TTC39B: variants seen among roughly 807,000 people sequenced by gnomAD.
The protein encoded by TTC39B is tetratricopeptide repeat domain 39B, also known as tetratricopeptide repeat protein 39B.
In TTC39B, 92 loss-of-function variants were observed where a neutral mutation model predicts 96.6. The observed-to-expected ratio is 0.95, with a 90% CI of 0.80 to 1.13. The LOEUF (loss-of-function observed/expected upper bound fraction) is 1.13. Among genes scored for constraint, TTC39B ranks in the 50% most tolerant of loss-of-function variants. The pLI is 0.00. For synonymous variants in TTC39B, 367 were observed against 299.4 expected (o/e 1.23, Z -2.33); for missense variants, 955 against 809.3 (o/e 1.18, Z -2.18).
chr9:15,257,505 G>A (rs1313829235), intron 2 of TTC39B, among the ~76,000 whole-genome samples: 2 of 152,014 alleles, frequency 1.3e-5, no homozygotes, highest in African/African-American at 4.8e-5. Flanking sequence ...CTGGAGTGCA[G>A]TGGCACCATC....
intron 2 of TTC39B, among the ~76,000 whole-genome samples, chr9:15,235,053 C>CA (rs879895256): frequency 0.064 from 7,388 of 115,924 alleles, 244 homozygotes; most frequent in South Asian, 0.084. Flanking sequence ...AAAACAAAAA[C>CA]AAAACAAAAC....
chr9:15,245,335 C>A (rs1004169998), intron 2 of TTC39B, among the ~76,000 whole-genome samples: 5 of 152,080 alleles, frequency 3.3e-5, no homozygotes, highest in Admixed American at 2.0e-4. Context: ...GAAAAACAAA[C>A]AAAACTGAAG....
chr9:15,206,557 G>C (rs1819867782), intron 6 of TTC39B, among the ~76,000 whole-genome samples: 1 of 152,186 alleles, frequency 6.6e-6, no homozygotes, highest in African/African-American at 2.4e-5. Context: ...AGGCACTTAT[G>C]AGTAGGTAAC....
intron 2 of TTC39B, among the ~76,000 whole-genome samples, chr9:15,243,976 A>G (rs537821032): frequency 2.3e-4 from 35 of 152,362 alleles, no homozygotes; most frequent in Admixed American, 7.8e-4. Flanking sequence ...CAGCAAAAGA[A>G]ACTACTCCAA....
intron 7 of TTC39B, 25 bp downstream of exon 7, chr9:15,203,798 G>A (rs554037622): frequency 3.0e-5 from 48 of 1,598,034 alleles, no homozygotes; most frequent in Middle Eastern, 3.3e-4. Context: ...CAGCCAATAC[G>A]AATTCCAAGC....
intron 2 of TTC39B, among the ~76,000 whole-genome samples, chr9:15,267,147 A>G (rs1823166210): frequency 6.6e-6 from 1 of 152,204 alleles, no homozygotes; most frequent in Non-Finnish European, 1.5e-5. Context: ...ACAAGGAGGC[A>G]GTCTGCAAGC....
At chr9:15,192,613 G>A in exon 9 of TTC39B, 1 of 1,614,014 alleles carries the variant, frequency 6.2e-7, no homozygotes, top group Non-Finnish European at 8.5e-7. Flanking sequence ...CCACTGCCAA[G>A]CTTGACACCC....
chr9:15,251,694 CAT>C (rs59081141), intron 2 of TTC39B, among the ~76,000 whole-genome samples: 248 of 61,758 alleles, frequency 4.0e-3, no homozygotes, highest in Middle Eastern at 0.031. Flanking sequence ...CACACACATA[CAT>C]ATACATATAT....
intron 3 of TTC39B, among the ~76,000 whole-genome samples, chr9:15,215,990 C>T (rs970158771): frequency 6.6e-6 from 1 of 152,200 alleles, no homozygotes; most frequent in Non-Finnish European, 1.5e-5. Context: ...CAAAGTGCCC[C>T]TTCAGTGACT....
Position 15,193,630 on chromosome 9 carries a change from T to C in TTC39B, c.825-935A>G, listed in dbSNP as rs372387403. Among the ~76,000 whole-genome samples, 13 of 152,340 alleles carry C rather than the reference T, an allele frequency of 8.5e-5. No homozygotes were observed. In the South Asian group the frequency reaches 2.7e-3, roughly 32 times the overall value. On this transcript the variant is annotated intron_variant, in intron 8 of 19. Transcript: ENST00000512701. Reference sequence around the variant, plus strand: ...TTTCCCCTGGGTCATTTATTTTTTATTATGGTGCATTTTGCCAAGATAAAA... The same window carrying C: ...TTTCCCCTGGGTCATTTATTTTTTACTATGGTGCATTTTGCCAAGATAAAA...
chr9:15,173,078 C>G (rs1564305595), intron 19 of TTC39B, among the ~76,000 whole-genome samples: 1 of 152,112 alleles, frequency 6.6e-6, no homozygotes, highest in South Asian at 2.1e-4. Flanking sequence ...TTAGTGGAGG[C>G]TTTTCATTGC....
chr9:15,242,513 G>A (rs1168341178), intron 2 of TTC39B, among the ~76,000 whole-genome samples: 1 of 152,110 alleles, frequency 6.6e-6, no homozygotes, highest in Non-Finnish European at 1.5e-5. Flanking sequence ...AAACAGGACG[G>A]TTGAGGCTGC....
intron 2 of TTC39B, among the ~76,000 whole-genome samples, chr9:15,238,636 C>T (rs557520567): frequency 3.3e-5 from 5 of 152,214 alleles, no homozygotes; most frequent in South Asian, 2.1e-4. Context: ...ACAGATCATA[C>T]AAACAAATGG....
exon 20 of TTC39B, chr9:15,166,123 T>C (rs1817513207): frequency 1.3e-5 from 2 of 152,192 alleles, no homozygotes; most frequent in Non-Finnish European, 2.9e-5. Flanking sequence ...TAAATTAGTG[T>C]TTCTAAAAAC....
rs575718035 is a variant in TTC39B at position 15,303,222 on chromosome 9, T to C, written c.240+3862A>G. Among the ~76,000 whole-genome samples, 101 of 152,334 alleles carry C rather than the reference T, an allele frequency of 6.6e-4. No homozygotes were observed. In the Middle Eastern group the frequency reaches 0.01, roughly 15 times the overall value. On this transcript the variant is annotated intron_variant, in intron 1 of 19. Transcript: ENST00000512701. ...ATAACTGTATTTGCTGAGTGACTTT[T>C]AATATAATGTTAAATATAATGCATC...
intron 18 of TTC39B, among the ~76,000 whole-genome samples, 183 bp from the exon 19 acceptor site, chr9:15,175,318 A>G (rs1350679839): frequency 6.6e-6 from 1 of 152,204 alleles, no homozygotes; most frequent in African/African-American, 2.4e-5. Context: ...TTCTTTTCCT[A>G]TATTAATCTT....
chr9:15,169,746 G>A (rs1203709924), exon 20 of TTC39B: 2 of 152,056 alleles, frequency 1.3e-5, no homozygotes, highest in Admixed American at 1.3e-4. Context: ...ATAAAGAATA[G>A]GAAACAAAAA....
chr9:15,185,199 T>C (rs1588857015), intron 16 of TTC39B, 81 bp downstream of exon 16: 5 of 1,496,182 alleles, frequency 3.3e-6, no homozygotes, highest in East Asian at 4.7e-5. Flanking sequence ...CTAAACTTCA[T>C]AACCAAATTT....
chr9:15,195,670 CAA>C (rs35318510), intron 8 of TTC39B, among the ~76,000 whole-genome samples: 127 of 66,310 alleles, frequency 1.9e-3, no homozygotes, highest in African/African-American at 7.9e-3. Flanking sequence ...ACTCCATCTC[CAA>C]AAAAAAAAAA....
Sources: allele counts gnomAD v4.1 joint callset (sites outside exome capture counted in the v4.1 genomes callset), GRCh38; gene constraint gnomAD v4.1.1; transcripts MANE v1.5; gene names NCBI Gene and HGNC (gene_info 2026-07-23, HGNC 2026-07-21).